Variants in USP34 observed in about 807,000 individuals in gnomAD.
USP34 encodes the protein ubiquitin carboxyl-terminal hydrolase 34.
In USP34, 70 loss-of-function variants were observed where a neutral mutation model predicts 460.3. The observed-to-expected ratio is 0.15, with a 90% CI of 0.13 to 0.19. The LOEUF is 0.19. USP34 is among the 10% of genes least tolerant of loss of function. USP34 has a pLI of 1.00. For synonymous variants in USP34, 1,647 were observed against 1,405.3 expected, an observed-to-expected ratio of 1.17 and a Z score of -3.85; for missense variants, 3,985 against 4,236.2, an observed-to-expected ratio of 0.94 and a Z score of 1.65.
intron 44 of USP34, among the ~76,000 whole-genome samples, chr2:61,257,985 A>G (rs988276101): frequency 1.3e-5 from 2 of 152,244 alleles, no homozygotes; most frequent in African/African-American, 4.8e-5. Context: ...ACTTTGTTTT[A>G]ATAGCTTTTA....
intron 6 of USP34, 70 bp downstream of exon 6, chr2:61,383,199 A>G: frequency 8.6e-7 from 1 of 1,161,920 alleles, no homozygotes; most frequent in Non-Finnish European, 1.2e-6. Flanking sequence ...CAAACAATAT[A>G]ATTCTATATT....
At chr2:61,333,837 G>T in intron 19 of USP34, 45 bp downstream of exon 19, 1 of 1,328,706 alleles carries the variant, frequency 7.5e-7, no homozygotes, top group Non-Finnish European at 1.0e-6. Flanking sequence ...ACTATAATTA[G>T]AAAAAAATCT....
chr2:61,259,568 T>C, intron 44 of USP34, 143 bp downstream of exon 44: 1 of 593,302 alleles, frequency 1.7e-6, no homozygotes, highest in East Asian at 2.9e-5. Context: ...TTTTTTTTAG[T>C]AGAGATGGGG....
At chr2:61,222,222 T>C (rs925233662) in intron 65 of USP34, among the ~76,000 whole-genome samples, 5 of 152,246 alleles carry the variant, frequency 3.3e-5, no homozygotes, top group Admixed American at 1.3e-4. Context: ...ATTGTTAAAA[T>C]AGCTATAGCA....
intron 39 of USP34, among the ~76,000 whole-genome samples, chr2:61,279,636 T>C (rs1689476646): frequency 6.6e-6 from 1 of 152,150 alleles, no homozygotes; most frequent in Non-Finnish European, 1.5e-5. Context: ...CAGCTAATTT[T>C]TGCATTTTTA....
chr2:61,442,898 T>TACACACACATACAC (rs1553392377), intron 1 of USP34, among the ~76,000 whole-genome samples: 1 of 147,202 alleles, frequency 6.8e-6, no homozygotes, highest in East Asian at 2.0e-4. Context: ...GTGATGTGTG[T>TACACACACATACAC]ACACACACAC....
At chr2:61,188,873 C>A in intron 79 of USP34, 37 bp downstream of exon 79, 1 of 1,609,974 alleles carries the variant, frequency 6.2e-7, no homozygotes, top group South Asian at 1.1e-5. Flanking sequence ...TCCCTCCTCC[C>A]ACCCTAAAGG....
rs1688068398 is a variant in USP34 at position 61,236,357 on chromosome 2, T to C, written c.6810A>G (p.Gln2270=). The part of the protein sequence containing the change: ...WIWHDNMQFL[Q]DKNIFEHTYF... ...ATGTATGTTCAAAAATGTTTTTGTC[T>C]TGAAGAAACTGCATGTTATCATGCC... The change falls in exon 54 of 80, where the codon CAA becomes CAG. Residue 2270 remains glutamine (Q), a synonymous_variant. Transcript: ENST00000398571. 6.2e-7 allele frequency: 1 copy of C among 1,604,528 alleles called. No individual in the cohort carries two copies. The highest frequency in any genetic ancestry group is 1.7e-5 in the Admixed American group (1 of 58,282).
chr2:61,238,314 C>A (rs1316128090), intron 53 of USP34, among the ~76,000 whole-genome samples: 1 of 152,148 alleles, frequency 6.6e-6, no homozygotes, highest in Non-Finnish European at 1.5e-5. Context: ...TAAGCTCTGT[C>A]CTTCCTAGGC....
At chr2:61,383,430 C>G in intron 5 of USP34, 94 bp from the exon 6 acceptor site, 1 of 857,152 alleles carries the variant, frequency 1.2e-6, no homozygotes, top group Non-Finnish European at 1.8e-6. Flanking sequence ...ATTGGCCAGG[C>G]ACGGTCGCTC....
At chr2:61,283,542 T>G in intron 35 of USP34, 93 bp from the exon 36 acceptor site, 2 of 1,364,102 alleles carry the variant, frequency 1.5e-6, no homozygotes, top group Non-Finnish European at 2.0e-6. Context: ...AGGTTATCAC[T>G]TCCCCCCCAA....
At chr2:61,367,255 C>A (rs1262741903) in intron 10 of USP34, among the ~76,000 whole-genome samples, 1 of 152,178 alleles carries the variant, frequency 6.6e-6, no homozygotes, top group Admixed American at 6.5e-5. Flanking sequence ...TAGCAGTATG[C>A]GACACTGTCT....
At chr2:61,233,940 T>C (rs1687991083) in intron 57 of USP34, among the ~76,000 whole-genome samples, 1 of 152,292 alleles carries the variant, frequency 6.6e-6, no homozygotes, top group East Asian at 1.9e-4. Context: ...AGTTTTCTTA[T>C]GTTAGAAATA....
intron 34 of USP34, 138 bp downstream of exon 34, chr2:61,288,539 G>A (rs1469010356): frequency 2.4e-6 from 2 of 838,720 alleles, no homozygotes; most frequent in Non-Finnish European, 3.8e-6. Flanking sequence ...AATCACTACT[G>A]CTTTAAAACA....
intron 57 of USP34, among the ~76,000 whole-genome samples, chr2:61,233,549 G>C (rs926817754): frequency 9.9e-5 from 15 of 152,144 alleles, no homozygotes; most frequent in African/African-American, 3.6e-4. Flanking sequence ...CTTCTGGCCA[G>C]GTGTAATGGC....
intron 70 of USP34, chr2:61,208,001 C>A (rs940711578): frequency 6.6e-6 from 1 of 152,284 alleles, no homozygotes; most frequent in Non-Finnish European, 1.5e-5. Flanking sequence ...TCTGGTGACT[C>A]TGCAGCCATC....
chr2:61,424,431 G>A (rs879732020), intron 1 of USP34, among the ~76,000 whole-genome samples: 1 of 152,152 alleles, frequency 6.6e-6, no homozygotes, highest in Non-Finnish European at 1.5e-5. Flanking sequence ...AATTCAACTG[G>A]TATGAGGTAT....
At chr2:61,457,146 C>G (rs1695463821) in intron 1 of USP34, among the ~76,000 whole-genome samples, 1 of 152,162 alleles carries the variant, frequency 6.6e-6, no homozygotes, top group South Asian at 2.1e-4. Flanking sequence ...TGTGATGGCA[C>G]AGGCTTATAG....
intron 2 of USP34, among the ~76,000 whole-genome samples, chr2:61,407,268 T>G (rs1468471481): frequency 1.3e-5 from 2 of 152,078 alleles, no homozygotes; most frequent in Non-Finnish European, 2.9e-5. Context: ...GGCTTGTGCC[T>G]GTAGTCCCAG....
Sources: allele counts gnomAD v4.1 joint callset (sites outside exome capture counted in the v4.1 genomes callset), GRCh38; gene constraint gnomAD v4.1.1; transcripts MANE v1.5; gene names NCBI Gene and HGNC (gene_info 2026-07-23, HGNC 2026-07-21).